SSPN: variants seen among roughly 807,000 people sequenced by gnomAD.
The protein encoded by SSPN is sarcospan.
SSPN carries 15 observed loss-of-function variants against 19.1 expected under a neutral mutation model. The ratio of observed to expected loss-of-function variants is 0.78; its 90% CI spans 0.52 to 1.21. The LOEUF (loss-of-function observed/expected upper bound fraction) is 1.21, where lower values mean the gene tolerates loss of function less well. Among genes scored for constraint, SSPN ranks in the 50% most tolerant of loss-of-function variants. The pLI is 0.00. For synonymous variants in SSPN, 147 were observed against 140.3 expected (o/e 1.05, Z -0.34); for missense variants, 291 against 314.0 (o/e 0.93, Z 0.55).
chr12:26,172,791 C>T (rs1474288410), intron 1 of SSPN, among the ~76,000 whole-genome samples: 2 of 150,030 alleles, frequency 1.3e-5, no homozygotes, highest in East Asian at 3.9e-4. Flanking sequence ...GAAACGGAGT[C>T]TTGCTCTGTC....
chr12:26,225,977 A>T (rs1185214289), intron 2 of SSPN, among the ~76,000 whole-genome samples: 2 of 151,082 alleles, frequency 1.3e-5, no homozygotes, highest in Non-Finnish European at 3.0e-5. Context: ...ATAGGGAGTA[A>T]GAGAAAAAAA....
chr12:26,149,110 A>G (rs1325713166), intron 1 of SSPN, among the ~76,000 whole-genome samples: 1 of 152,256 alleles, frequency 6.6e-6, no homozygotes, highest in Non-Finnish European at 1.5e-5. Context: ...ATTGGTGAAT[A>G]CAGAGCTTAC....
upstream of SSPN, chr12:26,195,209 AT>A (rs1045509923): frequency 2.6e-5 from 4 of 154,922 alleles, no homozygotes; most frequent in Admixed American, 2.0e-4. Context: ...AGCAGTGCCT[AT>A]TTTGGATTAA....
intron 1 of SSPN, among the ~76,000 whole-genome samples, chr12:26,165,473 A>G (rs2137428210): frequency 6.6e-6 from 1 of 152,380 alleles, no homozygotes; most frequent in African/African-American, 2.4e-5. Context: ...GGCCTGGAGC[A>G]ATTTAATCAT....
chr12:26,226,345 G>A (rs1032623213), intron 2 of SSPN, among the ~76,000 whole-genome samples: 8 of 152,106 alleles, frequency 5.3e-5, no homozygotes, highest in African/African-American at 9.7e-5. Flanking sequence ...CCCCCATCTC[G>A]GGACCCTGGC....
At chr12:26,212,492 T>C (rs1206052568) in intron 1 of SSPN, among the ~76,000 whole-genome samples, 1 of 152,166 alleles carries the variant, frequency 6.6e-6, no homozygotes, top group Non-Finnish European at 1.5e-5. Flanking sequence ...AAGTCAGTAT[T>C]ACAAATTGTT....
intron 1 of SSPN, among the ~76,000 whole-genome samples, chr12:26,137,636 G>GTATGTATGTATA (rs1555175654): frequency 6.4e-5 from 2 of 31,354 alleles, no homozygotes; most frequent in Admixed American, 1.4e-3. Flanking sequence ...GTGTGTGTAT[G>GTATGTATGTATA]TATATATATA....
At chr12:26,174,942 C>A (rs1015925742) in intron 1 of SSPN, among the ~76,000 whole-genome samples, 1 of 152,072 alleles carries the variant, frequency 6.6e-6, no homozygotes, top group Non-Finnish European at 1.5e-5. Flanking sequence ...TTTGGTCTGG[C>A]TTTTTTCCCT....
intron 1 of SSPN, among the ~76,000 whole-genome samples, chr12:26,216,100 TTAG>T (rs1020734304): frequency 1.3e-5 from 2 of 152,164 alleles, no homozygotes; most frequent in African/African-American, 4.8e-5. Context: ...AAATGGTATA[TTAG>T]TAGTAGTAGT....
At chr12:26,171,038 G>GT (rs987895200) in intron 1 of SSPN, among the ~76,000 whole-genome samples, 4 of 152,192 alleles carry the variant, frequency 2.6e-5, no homozygotes, top group African/African-American at 9.7e-5. Flanking sequence ...CATATAGTTA[G>GT]TAAGTGATAG....
intron 1 of SSPN, among the ~76,000 whole-genome samples, chr12:26,220,057 G>A (rs991261210): frequency 6.6e-6 from 1 of 151,922 alleles, no homozygotes; most frequent in African/African-American, 2.4e-5. Context: ...TGTCTTCCTG[G>A]CACGTCCACG....
rs28530577 is a variant in SSPN, at chr12:26,231,145, T to A, written c.*69T>A. On this transcript the variant is annotated 3_prime_UTR_variant, in exon 3 of 3. Transcript: ENST00000242729. ...CTGAGGTTAAACAAACAAAAAAAAA[T>A]TTTAAACAAAGAAAGGAAAAAAATT... 37 of 1,445,430 alleles carry A rather than the reference T, an allele frequency of 2.6e-5. No individual in the cohort carries two copies. In the East Asian group the frequency reaches 5.5e-4, roughly 22 times the overall value. 89.5% of individuals were successfully genotyped at this position (1,445,430 alleles called of 1,614,324 possible).
chr12:26,190,811 A>T (rs1377582927), upstream of SSPN, among the ~76,000 whole-genome samples: 1 of 152,230 alleles, frequency 6.6e-6, no homozygotes. Context: ...TGCACAGATC[A>T]TAAGTGTTGT....
intron 1 of SSPN, among the ~76,000 whole-genome samples, chr12:26,172,039 CA>C (rs1235327793): frequency 7.2e-5 from 11 of 152,150 alleles, no homozygotes; most frequent in Admixed American, 7.2e-4. Flanking sequence ...TGTGCAAAGT[CA>C]CCCCATTCAT....
At chr12:26,225,117 C>CTT (rs577187745) in intron 2 of SSPN, among the ~76,000 whole-genome samples, 1,681 of 147,660 alleles carry the variant, frequency 0.011, 23 homozygotes, top group African/African-American at 0.037. Context: ...TATCTTTAAT[C>CTT]TTTTTTTTTT....
At chr12:26,199,080 A>G (rs924754041) in intron 1 of SSPN, among the ~76,000 whole-genome samples, 1 of 152,158 alleles carries the variant, frequency 6.6e-6, no homozygotes, top group Non-Finnish European at 1.5e-5. Context: ...TTCATTTTAC[A>G]GGGGCCACTA....
chr12:26,195,641 G>GCTGGC lies in SSPN; in HGVS notation c.-31_-30insTGGCC. On this transcript the variant is annotated 5_prime_UTR_variant, in exon 1 of 3. Coordinates refer to ENST00000242729, the MANE Select transcript of SSPN (RefSeq NM_005086.5). ...CTCCAGGGCCCAGGGCGCCGCACAC[G>GCTGGC]CACCCACCCACCCACCCAGCCTCGC... The GCTGGC allele has an allele frequency of 1.6e-5, 18 of 1,105,366 alleles. No homozygotes were observed. The highest frequency in any genetic ancestry group is 1.9e-5 in the Non-Finnish European group (17 of 878,088). 68.5% of individuals were successfully genotyped at this position (1,105,366 alleles called of 1,614,324 possible). A position where few individuals can be genotyped will look rare whatever the true frequency, so the allele number is the denominator to read the frequency against.
chr12:26,124,212 C>G (rs1379517807), intron 1 of SSPN: 1 of 1,415,406 alleles, frequency 7.1e-7, no homozygotes, highest in Admixed American at 1.7e-5. Flanking sequence ...AAAGAGAAAA[C>G]AGTAAGCGAA....
At chr12:26,198,389 A>T (rs965238034) in intron 1 of SSPN, among the ~76,000 whole-genome samples, 2 of 152,242 alleles carry the variant, frequency 1.3e-5, no homozygotes, top group African/African-American at 4.8e-5. Flanking sequence ...AAGTTACTTA[A>T]CTTCTCTAGG....
Sources: allele counts gnomAD v4.1 joint callset (sites outside exome capture counted in the v4.1 genomes callset), GRCh38; gene constraint gnomAD v4.1.1; transcripts MANE v1.5; gene names NCBI Gene and HGNC (gene_info 2026-07-23, HGNC 2026-07-21).